CYP4B1: variants seen among roughly 807,000 people sequenced by gnomAD.
CYP4B1 encodes cytochrome P450 family 4 subfamily B member 1.
In CYP4B1, 45 loss-of-function variants were observed where a neutral mutation model predicts 54.0. That is an observed-to-expected ratio of 0.83 (90% CI 0.66 to 1.07). The LOEUF is 1.07. Among genes scored for constraint, CYP4B1 ranks in the 50% least tolerant of loss-of-function variants. CYP4B1 has a pLI of 0.00. For missense variants in CYP4B1, 656 were observed against 655.4 expected (o/e 1.00, Z -0.01); for synonymous variants, 248 against 247.5 (o/e 1.00, Z -0.02).
chr1:46,801,437 C>T lies in CYP4B1; in HGVS notation c.180+2176C>T, dbSNP rs139478507. Among the ~76,000 whole-genome samples, 308 of 152,214 alleles carry T rather than the reference C, an allele frequency of 2.0e-3. 2 individuals carry two copies. The highest frequency in any genetic ancestry group is 6.8e-3 in the African/African-American group (284 of 41,536). ...GAGCTGGCTGTTTTCTTCCCCTTAA[C>T]GGCCCCCACCCCCACCTTGAGAGTA... On this transcript the variant is annotated intron_variant, in intron 1 of 11. Coordinates refer to ENST00000371923, the MANE Select transcript of CYP4B1 (RefSeq NM_001099772.2).
rs1557484783 is a variant in CYP4B1 at position 46,800,245 on chromosome 1, C to CTT, written c.180+984_180+985insTT. 9.6e-4 allele frequency among the ~76,000 whole-genome samples: 19 copies of CTT among 19,744 alleles called. 1 individual carries two copies. The highest frequency in any genetic ancestry group is 2.1e-3 in the Non-Finnish European group (14 of 6,674). 13.0% of individuals were successfully genotyped at this position (19,744 alleles called of 152,430 possible). On this transcript the variant is annotated intron_variant, in intron 1 of 11. Transcript: ENST00000371923. ...TCTCTCTTTCTTTCTTTCTTTCCTT[C>CTT]CTTCCTTCCTTCCTTCCTTCCTTCC...
rs562875489 is a variant in CYP4B1, at chr1:46,815,405, G to A, written c.1073+141G>A. The A allele has an allele frequency of 7.0e-6, 5 of 717,196 alleles. No homozygotes were observed. In the East Asian group the frequency reaches 1.3e-4, roughly 18 times the overall value. The allele number at this position is 717,196 out of a possible 1,614,324, so 44.4% of individuals were successfully genotyped here. A position where few individuals can be genotyped will look rare whatever the true frequency, so the allele number is the denominator to read the frequency against. Reference sequence around the variant, plus strand: ...CCAGTGTCATACCTTTTGTGGTGGTGGGGGGTGGGGAGAGTGGTTGGCTGG... The same window carrying A: ...CCAGTGTCATACCTTTTGTGGTGGTAGGGGGTGGGGAGAGTGGTTGGCTGG... On this transcript the variant is annotated intron_variant, in intron 8 of 11. Coordinates refer to ENST00000371923, the MANE Select transcript of CYP4B1 (RefSeq NM_001099772.2).
rs766475753 is a variant in CYP4B1, at chr1:46,817,947, C to A, written c.1208-18C>A. 6.2e-7 allele frequency: 1 copy of A among 1,613,710 alleles called. No individual in the cohort carries two copies. The highest frequency in any genetic ancestry group is 8.5e-7 in the Non-Finnish European group (1 of 1,179,716). ...CTACCCAGGACTACCTGGTCACCAA[C>A]CTCTGTTCTGCCCACAGGAAGCCTG... On this transcript the variant is annotated intron_variant, in intron 9 of 11. Transcript: ENST00000371923.
chr1:46,814,671 T>C (rs937865449), intron 7 of CYP4B1: 2 of 328,982 alleles, frequency 6.1e-6, no homozygotes, highest in East Asian at 6.8e-5. Flanking sequence ...ACTCACTGAG[T>C]TCTGACTCTG....
chr1:46,808,987 G>A (rs2148402079), intron 1 of CYP4B1, among the ~76,000 whole-genome samples: 1 of 112,258 alleles, frequency 8.9e-6, no homozygotes, highest in East Asian at 3.1e-4. Context: ...GGGGAGGGGG[G>A]AGGGGTAGCA....
chr1:46,815,396 T>G, intron 8 of CYP4B1, 132 bp downstream of exon 8: 3 of 767,928 alleles, frequency 3.9e-6, no homozygotes, highest in Non-Finnish European at 5.8e-6. Flanking sequence ...TCATACCTTT[T>G]GTGGTGGTGG....
At chr1:46,814,136 A>G (rs923029555) in intron 6 of CYP4B1, 73 bp downstream of exon 6, 2 of 1,609,214 alleles carry the variant, frequency 1.2e-6, no homozygotes, top group Admixed American at 1.7e-5. Context: ...GCCCCCTCCC[A>G]TTATAGGACC....
intron 1 of CYP4B1, among the ~76,000 whole-genome samples, chr1:46,800,323 C>T (rs1267504674): frequency 2.2e-5 from 3 of 138,196 alleles, no homozygotes; most frequent in African/African-American, 8.3e-5. Context: ...CTCTTTCTCT[C>T]TCTCTCTTTC....
In CYP4B1 at chr1:46,816,637, T is replaced by C. The variant is rs546186560; in HGVS notation, c.1074-411T>C. Among the ~76,000 whole-genome samples the C allele has an allele frequency of 2.1e-5, 3 of 142,864 alleles. No individual in the cohort carries two copies. The South Asian group carries it at 7.3e-4, about 35-fold the overall frequency. 93.7% of individuals were successfully genotyped at this position (142,864 alleles called of 152,430 possible). ...TCATTAAATAATGCATCAACTTTGGTTGGTTCATTCAACCAACGTGTATCA... is the reference window on the plus strand; with the variant it reads ...TCATTAAATAATGCATCAACTTTGGCTGGTTCATTCAACCAACGTGTATCA... On this transcript the variant is annotated intron_variant, in intron 8 of 11. Coordinates refer to ENST00000371923, the MANE Select transcript of CYP4B1 (RefSeq NM_001099772.2).
intron 9 of CYP4B1, 148 bp from the exon 10 acceptor site, chr1:46,817,816 CG>C: frequency 2.8e-6 from 2 of 703,690 alleles, no homozygotes; most frequent in South Asian, 1.7e-5. Context: ...TGTGATGAGT[CG>C]GATGTGGTCA....
At position 46,818,623 on chromosome 1, in the gene CYP4B1, T is replaced by A; in HGVS notation, c.1356-8T>A. ...TTGCACGATGACTCTTTGTGCTGCT[T>A]GCTACAGGAACTGCATTGGGCAGCA... On this transcript the variant is annotated splice_polypyrimidine_tract_variant and splice_region_variant and intron_variant, in intron 11 of 11. Coordinates refer to ENST00000371923, the MANE Select transcript of CYP4B1 (RefSeq NM_001099772.2). 1 of 1,614,014 alleles carries A rather than the reference T, an allele frequency of 6.2e-7. No homozygotes were observed. Among genetic ancestry groups the A allele is most frequent in the South Asian group, 1.1e-5 (1 of 91,076 alleles).
At position 46,814,062 on chromosome 1, in the gene CYP4B1, A is replaced by G. The variant is rs149909441; in HGVS notation, c.774A>G (p.Thr258=). 11 of 1,613,904 alleles carry G rather than the reference A, an allele frequency of 6.8e-6. No individual in the cohort carries two copies. Among genetic ancestry groups the G allele is most frequent in the Non-Finnish European group, 8.5e-6 (10 of 1,179,960 alleles). The change falls in exon 6 of 12, where the codon ACA becomes ACG. Residue 258 remains threonine, a splice_region_variant and synonymous_variant. Coordinates refer to ENST00000371923, the MANE Select transcript of CYP4B1 (RefSeq NM_001099772.2). ...CCTGCCAGGTGGCCCATGACCATACAGGTGGGCCTTTCCCACAAGGCTCAC... is the reference window on the plus strand; with the variant it reads ...CCTGCCAGGTGGCCCATGACCATACGGGTGGGCCTTTCCCACAAGGCTCAC... ...LRACQVAHDH[T]DQVIRERKAA...
rs746523783 is a variant in CYP4B1 at position 46,810,976 on chromosome 1, G to C, written c.322+27G>C. ...TGAGGAGAGAGGATGGGGATCTCAG[G>C]AGAGGGTGGGGCTTCCTGAGAACAA... On this transcript the variant is annotated intron_variant, in intron 2 of 11. Transcript: ENST00000371923. The C allele has an allele frequency of 4.3e-6, 7 of 1,613,230 alleles. No individual in the cohort carries two copies. The African/African-American group carries it at 8.0e-5, about 18-fold the overall frequency.
rs1175394186 is a variant in CYP4B1 at position 46,800,237 on chromosome 1, C to CTT, written c.180+978_180+979dup. Among the ~76,000 whole-genome samples the CTT allele has an allele frequency of 6.2e-3, 224 of 36,032 alleles. 35 individuals carry two copies. The highest frequency in any genetic ancestry group is 0.021 in the East Asian group (25 of 1,172). The allele number at this position is 36,032 out of a possible 152,430, so 23.6% of individuals were successfully genotyped here. Reference sequence around the variant, plus strand: ...TTTCTCTTTCTCTCTTTCTTTCTTTCTTTCCTTCCTTCCTTCCTTCCTTCC... The same window carrying CTT: ...TTTCTCTTTCTCTCTTTCTTTCTTTCTTTTTCCTTCCTTCCTTCCTTCCTTCC... On this transcript the variant is annotated intron_variant, in intron 1 of 11. Transcript: ENST00000371923.
At chr1:46,806,817 A>G (rs983090960) in intron 1 of CYP4B1, 10 of 152,220 alleles carry the variant, frequency 6.6e-5, no homozygotes, top group Non-Finnish European at 1.3e-4. Context: ...CTTCTGGAGA[A>G]AAAACAAGCC....
intron 9 of CYP4B1, 128 bp from the exon 10 acceptor site, chr1:46,817,837 T>C: frequency 1.3e-6 from 1 of 763,112 alleles, no homozygotes; most frequent in Non-Finnish European, 2.3e-6. Flanking sequence ...ATGAACGCTC[T>C]GTCACTGGCA....
intron 1 of CYP4B1, among the ~76,000 whole-genome samples, chr1:46,805,567 G>A (rs915104017): frequency 6.6e-6 from 1 of 152,218 alleles, no homozygotes; most frequent in African/African-American, 2.4e-5. Context: ...ATGAAGTCAT[G>A]TTTGTCACCA....
At chr1:46,807,857 G>C (rs1191264761) in intron 1 of CYP4B1, among the ~76,000 whole-genome samples, 1 of 152,226 alleles carries the variant, frequency 6.6e-6, no homozygotes, top group South Asian at 2.1e-4. Flanking sequence ...GGCCAGAAAG[G>C]ATCCCTGGGG....
intron 3 of CYP4B1, 126 bp downstream of exon 3, chr1:46,811,310 G>T: frequency 1.1e-6 from 1 of 915,758 alleles, no homozygotes; most frequent in Non-Finnish European, 1.8e-6. Flanking sequence ...CCCATCCTAA[G>T]CTCAGCTGCT....
Sources: allele counts gnomAD v4.1 joint callset (sites outside exome capture counted in the v4.1 genomes callset), GRCh38; gene constraint gnomAD v4.1.1; transcripts MANE v1.5; gene names NCBI Gene and HGNC (gene_info 2026-07-23, HGNC 2026-07-21).